Variants in SNX13 observed in about 807,000 individuals in gnomAD.
The protein encoded by SNX13 is sorting nexin 13.
SNX13 carries 45 observed loss-of-function variants against 133.6 expected under a neutral mutation model. The ratio of observed to expected loss-of-function variants is 0.34; its 90% CI spans 0.27 to 0.43. The LOEUF is 0.43. Ranked by LOEUF, SNX13 falls within the 20% of genes least tolerant of loss-of-function variation. SNX13 has a pLI of 1.00. For missense variants in SNX13, 1,032 were observed against 1,145.1 expected, an observed-to-expected ratio of 0.90 and a Z score of 1.43; for synonymous variants, 414 against 373.9, an observed-to-expected ratio of 1.11 and a Z score of -1.24.
intron 1 of SNX13, among the ~76,000 whole-genome samples, chr7:17,936,235 T>A (rs1429623084): frequency 6.6e-6 from 1 of 152,202 alleles, no homozygotes; most frequent in African/African-American, 2.4e-5. Flanking sequence ...TAGGCAAATA[T>A]CCTCCAAATT....
At position 17,825,204 on chromosome 7, in the gene SNX13, A is replaced by C. The variant is rs1324364345; in HGVS notation, c.1705+818T>G. 2.0e-5 allele frequency among the ~76,000 whole-genome samples: 3 copies of C among 152,086 alleles called. No individual in the cohort carries two copies. The South Asian group carries it at 6.2e-4, about 31-fold the overall frequency. ...TTCAGTTCCAGTGACAAGAAAAAGG[A>C]AATGAAGATCTATTTTAAAAAGATA... On this transcript the variant is annotated intron_variant, in intron 17 of 25. Coordinates refer to ENST00000428135, the MANE Select transcript of SNX13 (RefSeq NM_015132.5).
At chr7:17,897,543 T>C (rs1797340437) in intron 1 of SNX13, 97 bp from the exon 2 acceptor site, 2 of 606,806 alleles carry the variant, frequency 3.3e-6, no homozygotes. Flanking sequence ...AAATTTCTTC[T>C]TGTAAACATT....
At chr7:17,803,621 C>A in intron 20 of SNX13, 41 bp from the exon 21 acceptor site, 3 of 1,530,242 alleles carry the variant, frequency 2.0e-6, no homozygotes, top group Non-Finnish European at 2.6e-6. Flanking sequence ...TTTATTGTAC[C>A]AGAGTTGTTA....
intron 1 of SNX13, among the ~76,000 whole-genome samples, chr7:17,906,417 T>C (rs1798402418): frequency 6.6e-6 from 1 of 152,072 alleles, no homozygotes. Context: ...AGGGAAACTA[T>C]AAATATATAT....
intron 1 of SNX13, among the ~76,000 whole-genome samples, chr7:17,930,607 T>C (rs889859513): frequency 3.3e-5 from 5 of 152,234 alleles, no homozygotes; most frequent in African/African-American, 1.2e-4. Flanking sequence ...TCAAGTCTAC[T>C]TGGTTTTTCT....
At position 17,893,341 on chromosome 7, in the gene SNX13, C is replaced by T. The variant is rs763169511; in HGVS notation, c.219G>A (p.Gly73=). Residue 73 remains glycine (G), a synonymous_variant, in exon 3 of 26, where the codon GGG becomes GGA. Transcript: ENST00000428135. Reference sequence around the variant, plus strand: ...CCCTCAAACGATTTACCTTAGGAACCCCAGGTGATGTTGGAGGAAGAAATG... The same window carrying T: ...CCCTCAAACGATTTACCTTAGGAACTCCAGGTGATGTTGGAGGAAGAAATG... ...EHSFLPPTSP[G]VPKCLEEMKR... The T allele has an allele frequency of 1.9e-6, 3 of 1,570,200 alleles. No homozygotes were observed. Among genetic ancestry groups the T allele is most frequent in the South Asian group, 2.3e-5 (2 of 85,138 alleles).
intron 22 of SNX13, among the ~76,000 whole-genome samples, chr7:17,800,097 A>G (rs370337834): frequency 9.2e-5 from 14 of 151,808 alleles, no homozygotes; most frequent in Admixed American, 3.9e-4. Context: ...CAGAATAAAA[A>G]CTTCTGTATT....
intron 5 of SNX13, chr7:17,882,171 C>T (rs1795422696): frequency 1.3e-5 from 2 of 152,136 alleles, no homozygotes; most frequent in Admixed American, 1.3e-4. Flanking sequence ...TCTGCCTCTG[C>T]CCCCTCTTCA....
At chr7:17,842,664 A>C (rs1008588957) in intron 12 of SNX13, among the ~76,000 whole-genome samples, 2 of 152,100 alleles carry the variant, frequency 1.3e-5, no homozygotes, top group Admixed American at 1.3e-4. Context: ...TCTGAAAGCC[A>C]GAAATATTGT....
At chr7:17,896,200 T>C (rs746758640) in intron 2 of SNX13, among the ~76,000 whole-genome samples, 33 of 152,230 alleles carry the variant, frequency 2.2e-4, no homozygotes, top group Non-Finnish European at 4.1e-4. Context: ...AATAAAGATA[T>C]TCTGAACTCC....
chr7:17,806,899 G>A (rs1159628393), intron 20 of SNX13, among the ~76,000 whole-genome samples: 1 of 152,198 alleles, frequency 6.6e-6, no homozygotes. Context: ...GAAGGACTGT[G>A]CCTTGAGGAA....
At chr7:17,799,247 C>A in intron 22 of SNX13, 93 bp from the exon 23 acceptor site, 1 of 1,070,284 alleles carries the variant, frequency 9.3e-7, no homozygotes, top group Non-Finnish European at 1.3e-6. Context: ...TGATATTTCA[C>A]AAGTCAGAGA....
intron 22 of SNX13, 135 bp from the exon 23 acceptor site, chr7:17,799,289 A>G: frequency 1.5e-6 from 1 of 689,020 alleles, no homozygotes; most frequent in Non-Finnish European, 2.2e-6. Context: ...GTAACTTGAC[A>G]TTAAATTCTA....
chr7:17,831,257 T>G, intron 15 of SNX13: 1 of 982,988 alleles, frequency 1.0e-6, no homozygotes, highest in Non-Finnish European at 1.2e-6. Flanking sequence ...CCTACAAATA[T>G]TAGAAAACAA....
chr7:17,853,872 C>G lies in SNX13; in HGVS notation c.838-2908G>C, dbSNP rs956559498. Among the ~76,000 whole-genome samples the G allele has an allele frequency of 1.3e-5, 2 of 151,908 alleles. 1 individual carries two copies. Among genetic ancestry groups the G allele is most frequent in the South Asian group, 4.1e-4 (2 of 4,832 alleles). Reference sequence around the variant, plus strand: ...CAGAGAATTGCTTGAACCCGGGAGGCGGAGGTTACAGTGAGCCAAAATCGT... The same window carrying G: ...CAGAGAATTGCTTGAACCCGGGAGGGGGAGGTTACAGTGAGCCAAAATCGT... On this transcript the variant is annotated intron_variant, in intron 9 of 25. Transcript: ENST00000428135.
At chr7:17,894,275 C>T (rs550017791) in intron 2 of SNX13, among the ~76,000 whole-genome samples, 6 of 151,370 alleles carry the variant, frequency 4.0e-5, no homozygotes, top group Non-Finnish European at 7.4e-5. Context: ...TGCACTCTAG[C>T]GACAGAGTAA....
chr7:17,928,567 A>G (rs547737855), intron 1 of SNX13, among the ~76,000 whole-genome samples: 12 of 152,260 alleles, frequency 7.9e-5, no homozygotes, highest in Non-Finnish European at 1.6e-4. Context: ...GATGGGCAAA[A>G]TTCTGCACAT....
chr7:17,857,832 T>C (rs1166253711), intron 9 of SNX13, among the ~76,000 whole-genome samples: 1 of 151,890 alleles, frequency 6.6e-6, no homozygotes, highest in Non-Finnish European at 1.5e-5. Context: ...TTCACCATGA[T>C]TAAGTGGGTG....
At chr7:17,843,746 T>C (rs1790172055) in intron 12 of SNX13, among the ~76,000 whole-genome samples, 1 of 152,000 alleles carries the variant, frequency 6.6e-6, no homozygotes, top group African/African-American at 2.4e-5. Context: ...GATAAAATTA[T>C]AAAACAATAA....
Sources: allele counts gnomAD v4.1 joint callset (sites outside exome capture counted in the v4.1 genomes callset), GRCh38; gene constraint gnomAD v4.1.1; transcripts MANE v1.5; gene names NCBI Gene and HGNC (gene_info 2026-07-23, HGNC 2026-07-21).